Variants in TRMT2B observed in about 807,000 individuals in gnomAD.
TRMT2B encodes the protein tRNA (uracil-5-)-methyltransferase homolog B.
TRMT2B carries 34 observed loss-of-function variants against 39.7 expected under a neutral mutation model. The ratio of observed to expected loss-of-function variants is 0.86; its 90% CI spans 0.65 to 1.14. TRMT2B has a LOEUF of 1.14. TRMT2B is among the 50% of genes most tolerant of loss of function. The probability of loss-of-function intolerance (pLI) is 0.00; values close to 1 mark genes in which losing one functional copy is unlikely to be tolerated. For synonymous variants in TRMT2B, 132 were observed against 137.3 expected (o/e 0.96, Z 0.27); for missense variants, 318 against 377.2 (o/e 0.84, Z 1.30).
At chrX:101,005,765 C>G (rs375744888), downstream of TRMT2B, among the ~76,000 whole-genome samples, 77 of 105,217 alleles carry the variant, frequency 7.3e-4, no homozygotes, top group Non-Finnish European at 1.2e-3. Flanking sequence ...CCTATAATCC[C>G]AGCTAAGCGG....
chrX:101,016,388 A>G (rs747853871), intron 13 of TRMT2B, among the ~76,000 whole-genome samples: 1 of 111,515 alleles, frequency 9.0e-6, no homozygotes, highest in Admixed American at 9.7e-5. Context: ...CCAGTCCCTT[A>G]TGAATGATTT....
At chrX:100,987,031 A>G in the TRMT2B span, 1 of 432,554 alleles carries the variant, frequency 2.3e-6, no homozygotes, top group Non-Finnish European at 4.0e-6. Context: ...ACCCACAGTG[A>G]TTCCTGACTT....
At chrX:100,984,322 A>G in the TRMT2B span, among the ~76,000 whole-genome samples, 1 of 107,762 alleles carries the variant, frequency 9.3e-6, no homozygotes, top group Admixed American at 9.9e-5. Flanking sequence ...TATTTTTAGT[A>G]AAGATGGGGT....
downstream of TRMT2B, among the ~76,000 whole-genome samples, chrX:101,005,880 C>CAAA (rs370275736): frequency 7.2e-4 from 46 of 64,220 alleles, no homozygotes; most frequent in East Asian, 2.6e-3. Flanking sequence ...GATTCCCACT[C>CAAA]AAAAAAAAAA....
At chrX:101,023,782 A>G (rs763028708) in intron 7 of TRMT2B, among the ~76,000 whole-genome samples, 166 bp from the exon 8 acceptor site, 1 of 111,991 alleles carries the variant, frequency 8.9e-6, no homozygotes, top group East Asian at 2.8e-4. Flanking sequence ...CAGGGCCTTT[A>G]AAGAGGTGAT....
At chrX:100,983,608 C>T in the TRMT2B span, among the ~76,000 whole-genome samples, 2 of 111,188 alleles carry the variant, frequency 1.8e-5, no homozygotes, top group Non-Finnish European at 3.8e-5. Context: ...CTGCCTGCCT[C>T]GGCCTCCCAA....
chrX:101,020,408 G>A (rs772498551), intron 11 of TRMT2B, 79 bp downstream of exon 11: 1 of 840,529 alleles, frequency 1.2e-6, no homozygotes, highest in Admixed American at 2.2e-5. Context: ...TACAGTAGTT[G>A]CCTTTTCCCA....
intron 8 of TRMT2B, among the ~76,000 whole-genome samples, chrX:101,022,552 C>T (rs987455130): frequency 1.9e-5 from 2 of 106,401 alleles, no homozygotes; most frequent in Admixed American, 2.1e-4. Context: ...ACCCGGGAGG[C>T]GGAGGTTGCA....
intron 13 of TRMT2B, among the ~76,000 whole-genome samples, chrX:101,018,003 G>A (rs1397802415): frequency 1.8e-5 from 2 of 112,150 alleles, no homozygotes; most frequent in African/African-American, 6.5e-5. Context: ...GGCCAAGGCA[G>A]GAGGATCACT....
intron 7 of TRMT2B, among the ~76,000 whole-genome samples, chrX:101,034,964 G>A (rs1184211892): frequency 1.8e-5 from 2 of 111,928 alleles, no homozygotes; most frequent in African/African-American, 6.5e-5. Flanking sequence ...CCCAGGAGAT[G>A]GAGGTTGCAG....
At chrX:100,997,024 G>A in the TRMT2B span, among the ~76,000 whole-genome samples, 2 of 111,386 alleles carry the variant, frequency 1.8e-5, no homozygotes, top group South Asian at 3.7e-4. Context: ...TTTTTGATAG[G>A]CTTCTATAAG....
At chrX:100,997,596 G>C in the TRMT2B span, among the ~76,000 whole-genome samples, 1 of 111,834 alleles carries the variant, frequency 8.9e-6, no homozygotes, top group Non-Finnish European at 1.9e-5. Flanking sequence ...TTCTAAGCAA[G>C]TTATGATCCT....
the TRMT2B span, among the ~76,000 whole-genome samples, chrX:100,978,025 C>T: frequency 8.9e-6 from 1 of 112,058 alleles, no homozygotes; most frequent in African/African-American, 3.2e-5. Flanking sequence ...ACATACACAG[C>T]AGGTGGATTG....
downstream of TRMT2B, among the ~76,000 whole-genome samples, chrX:101,006,678 G>C (rs180993189): frequency 9.1e-6 from 1 of 109,702 alleles, no homozygotes; most frequent in South Asian, 4.0e-4. Context: ...TAGCAAACAC[G>C]TGTAGTCCCA....
chrX:101,046,794 C>T (rs999979334), intron 2 of TRMT2B, among the ~76,000 whole-genome samples: 8 of 110,464 alleles, frequency 7.2e-5, no homozygotes, highest in African/African-American at 9.9e-5. Context: ...GATGTGGTGG[C>T]GCATGCCTGT....
At position 101,016,349 on chromosome X, in the gene TRMT2B, T is replaced by C. The variant is rs1358764297; in HGVS notation, c.1388+2622A>G. On this transcript the variant is annotated intron_variant, in intron 13 of 13. Transcript: ENST00000372936. ...TTCCTATAAATGGAATGATATAATA[T>C]GTGGTCTTTTGTGTCTGGCTTCTGA... is the stretch of plus-strand genomic sequence containing the variant. Among the ~76,000 whole-genome samples, 3 of 112,046 alleles carry C rather than the reference T, an allele frequency of 2.7e-5. 1 individual carries two copies. Among genetic ancestry groups the C allele is most frequent in the Middle Eastern group, 8.4e-3 (2 of 238 alleles).
chrX:101,019,446 TA>T (rs1484171241), intron 11 of TRMT2B, 43 bp from the exon 12 acceptor site: 1 of 1,202,010 alleles, frequency 8.3e-7, no homozygotes, highest in Non-Finnish European at 1.1e-6. Flanking sequence ...AGCCCAGCAG[TA>T]AGGGAAAGCT....
intron 13 of TRMT2B, among the ~76,000 whole-genome samples, chrX:101,011,310 T>C (rs1195384563): frequency 1.8e-5 from 2 of 112,181 alleles, no homozygotes; most frequent in Admixed American, 9.5e-5. Flanking sequence ...CTGTACTGAA[T>C]ACTGTAGACA....
intron 2 of TRMT2B, among the ~76,000 whole-genome samples, chrX:101,044,135 G>A (rs781546116): frequency 9.1e-6 from 1 of 109,350 alleles, no homozygotes; most frequent in African/African-American, 3.3e-5. Flanking sequence ...CCAGCTACTC[G>A]GGAGGCTGAA....
Sources: allele counts gnomAD v4.1 joint callset (sites outside exome capture counted in the v4.1 genomes callset), GRCh38; gene constraint gnomAD v4.1.1; transcripts MANE v1.5; gene names NCBI Gene and HGNC (gene_info 2026-07-23, HGNC 2026-07-21).